Variants in EMC8 observed in about 807,000 individuals in gnomAD.
The protein encoded by EMC8 is COX4 neighbor.
In EMC8, 11 loss-of-function variants were observed where a neutral mutation model predicts 24.3. The ratio of observed to expected loss-of-function variants is 0.45; its 90% CI spans 0.28 to 0.75. The LOEUF (loss-of-function observed/expected upper bound fraction) is 0.75, where lower values mean the gene tolerates loss of function less well. Among genes scored for constraint, EMC8 ranks in the 30% least tolerant of loss-of-function variants. The pLI is 0.12. For missense variants in EMC8, 277 were observed against 282.7 expected (o/e 0.98, Z 0.14); for synonymous variants, 145 against 117.7 (o/e 1.23, Z -1.50).
intron 2 of EMC8, chr16:85,781,562 G>C (rs182067808): frequency 1.5e-4 from 50 of 337,532 alleles, no homozygotes; most frequent in Non-Finnish European, 6.1e-5. Flanking sequence ...TGAGTAGCTG[G>C]GACTATAGGC....
chr16:85,787,095 C>T lies in EMC8; in HGVS notation c.308+1879G>A, dbSNP rs150705440. The stretch of plus-strand genomic sequence containing the variant: ...TCCCCACTGCTTGCAAGGTGAAGTT[C>T]AAAATGCTTCTGAGCACAGAGGAGC... On this transcript the variant is annotated intron_variant, in intron 2 of 4. Coordinates refer to ENST00000253457, the MANE Select transcript of EMC8 (RefSeq NM_006067.5). 9.2e-4 allele frequency among the ~76,000 whole-genome samples: 140 copies of T among 152,250 alleles called. No individual in the cohort carries two copies. The East Asian group carries it at 0.025, about 27-fold the overall frequency.
At chr16:85,783,017 C>T (rs911292430) in intron 2 of EMC8, among the ~76,000 whole-genome samples, 3 of 152,134 alleles carry the variant, frequency 2.0e-5, no homozygotes, top group East Asian at 1.9e-4. Context: ...GAGACAGGGT[C>T]GGCTGGGTGC....
In EMC8 at chr16:85,779,711, G is replaced by A; in HGVS notation, c.630C>T (p.Cys210=). 1.2e-6 allele frequency: 2 copies of A among 1,614,028 alleles called. No homozygotes were observed. The highest frequency in any genetic ancestry group is 1.7e-6 in the Non-Finnish European group (2 of 1,179,864). ...PEINKAVLHL[C] ...GCCCAGTCACAGCGGTGCCTGCCTA[G>A]CACAAGTGTAGGACAGCTTTATTGA... Residue 210 remains cysteine, a synonymous_variant, in exon 5 of 5, where the codon TGC becomes TGT. Transcript: ENST00000253457.
At chr16:85,789,196 G>C in intron 1 of EMC8, 146 bp from the exon 2 acceptor site, 1 of 644,058 alleles carries the variant, frequency 1.6e-6, no homozygotes, top group Non-Finnish European at 2.8e-6. Flanking sequence ...AGAAAGGGTA[G>C]GACTCAGGAA....
chr16:85,779,808 C>T lies in EMC8; in HGVS notation c.533G>A (p.Arg178Gln), dbSNP rs768068437. The stretch of plus-strand genomic sequence containing the variant: ...GAAATCCACGAGCGTCTCGTAGGAC[C>T]GGCTGTCCAGGAGCGAGGCTGAGAT... ...QRISASLLDS[R>Q]SYETLVDFDN... Residue 178 changes from arginine (R) to glutamine (Q), a missense_variant, in exon 5 of 5, where the codon CGG (arginine) becomes CAG (glutamine). By Grantham distance (43) the Arg-to-Gln change is conservative (BLOSUM62 1). Coordinates refer to ENST00000253457, the MANE Select transcript of EMC8 (RefSeq NM_006067.5). 3.1e-6 allele frequency: 5 copies of T among 1,614,036 alleles called. No homozygotes were observed. The highest frequency in any genetic ancestry group is 1.7e-4 in the Middle Eastern group (1 of 6,058).
chr16:85,794,900 C>G (rs1216989582), intron 1 of EMC8, among the ~76,000 whole-genome samples: 3 of 152,168 alleles, frequency 2.0e-5, no homozygotes, highest in Non-Finnish European at 2.9e-5. Flanking sequence ...CCCTGCGGTG[C>G]CCGGTGCCCT....
In EMC8 at chr16:85,788,750, A is replaced by G; in HGVS notation, c.308+224T>C. 3 of 566,966 alleles carry G rather than the reference A, an allele frequency of 5.3e-6. No individual in the cohort carries two copies. In the South Asian group the frequency reaches 6.4e-5, roughly 12 times the overall value. The allele number at this position is 566,966 out of a possible 1,614,324, so 35.1% of individuals were successfully genotyped here. A position where few individuals can be genotyped will look rare whatever the true frequency, so the allele number is the denominator to read the frequency against. On this transcript the variant is annotated intron_variant, in intron 2 of 4. Coordinates refer to ENST00000253457, the MANE Select transcript of EMC8 (RefSeq NM_006067.5). ...ATTGTATGAATTCCCTTCATGCAAA[A>G]TAAAGAAGACACAAAACAGAATTCC...
chr16:85,782,751 AC>A lies in EMC8; in HGVS notation c.309-1472del, dbSNP rs141313383. Among the ~76,000 whole-genome samples, 978 of 151,858 alleles carry A rather than the reference AC, an allele frequency of 6.4e-3. 9 individuals carry two copies. Among genetic ancestry groups the A allele is most frequent in the African/African-American group, 0.022 (910 of 41,396 alleles). ...ACTGCCTGATGGCCCCAAGACTGCT[AC>A]CCCCTCAAAAGCCTCCCAGCGGGAA... On this transcript the variant is annotated intron_variant, in intron 2 of 4. Coordinates refer to ENST00000253457, the MANE Select transcript of EMC8 (RefSeq NM_006067.5).
In EMC8 at chr16:85,781,248, C is replaced by G. The variant is rs758327106; in HGVS notation, c.341G>C (p.Arg114Thr). 8.7e-6 allele frequency: 14 copies of G among 1,612,954 alleles called. No homozygotes were observed. The highest frequency in any genetic ancestry group is 1.1e-5 in the South Asian group (1 of 91,032). The change falls in exon 3 of 5, where the codon AGA becomes ACA. Residue 114 changes from arginine (R) to threonine (T), a missense_variant. By Grantham distance (71) the Arg-to-Thr change is moderately conservative (BLOSUM62 -1). Transcript: ENST00000253457. ...PNQVAEKVAS[R>T]IAEGFSDTAL... ...AGTGTCGCTGAAGCCCTCGGCGATT[C>G]TGGAGGCCACCTTCTCTGCAACCTG... is the stretch of plus-strand genomic sequence containing the variant.
At chr16:85,786,256 A>T (rs1259151896) in intron 2 of EMC8, among the ~76,000 whole-genome samples, 1 of 152,234 alleles carries the variant, frequency 6.6e-6, no homozygotes, top group African/African-American at 2.4e-5. Flanking sequence ...TTGGCTCCAA[A>T]TCATGCTGCA....
At chr16:85,787,037 C>T (rs545888308) in intron 2 of EMC8, among the ~76,000 whole-genome samples, 1 of 152,268 alleles carries the variant, frequency 6.6e-6, no homozygotes, top group African/African-American at 2.4e-5. Flanking sequence ...GCAGACACTG[C>T]TTGGTCCAGG....
At position 85,788,965 on chromosome 16, in the gene EMC8, T is replaced by A. The variant is rs757850605; in HGVS notation, c.308+9A>T. ...TTCCTCGCCCACAGAGGGTTCTGCA[T>A]CCACGTACCTGGCATCCTTTACTCG... is the stretch of plus-strand genomic sequence containing the variant. On this transcript the variant is annotated intron_variant, in intron 2 of 4. Coordinates refer to ENST00000253457, the MANE Select transcript of EMC8 (RefSeq NM_006067.5). 1 of 1,603,722 alleles carries A rather than the reference T, an allele frequency of 6.2e-7. No homozygotes were observed. Among genetic ancestry groups the A allele is most frequent in the Non-Finnish European group, 8.5e-7 (1 of 1,170,670 alleles).
chr16:85,794,664 G>A (rs550131033), intron 1 of EMC8, among the ~76,000 whole-genome samples: 5 of 152,338 alleles, frequency 3.3e-5, no homozygotes, highest in African/African-American at 1.2e-4. Flanking sequence ...ACTCCAGCCT[G>A]GGTGACAGAG....
rs1471054262 is a variant in EMC8 at position 85,781,216 on chromosome 16, T to C, written c.373A>G (p.Ile125Val). 30 of 1,612,908 alleles carry C rather than the reference T, an allele frequency of 1.9e-5. No individual in the cohort carries two copies. Among genetic ancestry groups the C allele is most frequent in the Non-Finnish European group, 2.3e-5 (27 of 1,179,020 alleles). Residue 125 changes from isoleucine to valine, a missense_variant, in exon 3 of 5, where the codon ATC (isoleucine) becomes GTC (valine). By Grantham distance (29) the Ile-to-Val change is conservative. Transcript: ENST00000253457. The part of the protein sequence containing the change: ...IAEGFSDTAL[I>V]MVDNTKFTMD... ...GCTGCACAGAAGCGACTTACCATGA[T>C]GAGCGCAGTGTCGCTGAAGCCCTCG...
chr16:85,793,227 G>C (rs1176801452), intron 1 of EMC8, among the ~76,000 whole-genome samples: 4 of 152,192 alleles, frequency 2.6e-5, no homozygotes, highest in Non-Finnish European at 5.9e-5. Context: ...CACGCCCCTT[G>C]TGACTGTACA....
intron 2 of EMC8, chr16:85,781,949 G>T (rs1305819390): frequency 6.6e-6 from 1 of 152,488 alleles, no homozygotes; most frequent in African/African-American, 2.4e-5. Flanking sequence ...GATGGCTGTG[G>T]CCAGCAAGGA....
At chr16:85,788,844 T>C (rs1904873078) in intron 2 of EMC8, 130 bp downstream of exon 2, 2 of 710,392 alleles carry the variant, frequency 2.8e-6, no homozygotes, top group Non-Finnish European at 5.0e-6. Context: ...CCTCAAATAC[T>C]ACAAATAAGC....
At position 85,799,323 on chromosome 16, in the gene EMC8, C is replaced by G. The variant is rs1412019287; in HGVS notation, c.-28G>C. 2.6e-6 allele frequency: 4 copies of G among 1,524,132 alleles called. No homozygotes were observed. The South Asian group carries it at 4.6e-5, about 18-fold the overall frequency. The allele number at this position is 1,524,132 out of a possible 1,614,324, so 94.4% of individuals were successfully genotyped here. On this transcript the variant is annotated 5_prime_UTR_variant, in exon 1 of 5. Transcript: ENST00000253457. This position sits in a 1 kb window ranked among gnomAD's most constrained non-coding sequence, Gnocchi z 4.2. ...TGACCCGGGAGGGCCCCGGAGGCCC[C>G]TGGGCGCGCGGCTGAGGCCTGGACC... is the stretch of plus-strand genomic sequence containing the variant.
chr16:85,791,257 A>G (rs1401267190), intron 1 of EMC8, among the ~76,000 whole-genome samples: 2 of 152,086 alleles, frequency 1.3e-5, no homozygotes, highest in Admixed American at 1.3e-4. Context: ...CAAATTCCCT[A>G]ATTTCTTCCA....
Sources: allele counts gnomAD v4.1 joint callset (sites outside exome capture counted in the v4.1 genomes callset), GRCh38; gene constraint gnomAD v4.1.1; non-coding constraint Gnocchi (gnomAD v3.1); transcripts MANE v1.5; gene names NCBI Gene and HGNC (gene_info 2026-07-23, HGNC 2026-07-21).